RIMS2: variants seen among roughly 807,000 people sequenced by gnomAD.
RIMS2 encodes regulating synaptic membrane exocytosis protein 2.
Under a neutral mutation model 174.4 loss-of-function variants are expected in RIMS2, and 59 were observed. The ratio of observed to expected loss-of-function variants is 0.34; its 90% confidence interval spans 0.27 to 0.42. RIMS2 has a LOEUF of 0.42. Among genes scored for constraint, RIMS2 ranks in the 10% least tolerant of loss-of-function variants. The probability of loss-of-function intolerance (pLI) is 1.00; values close to 1 mark genes in which losing one functional copy is unlikely to be tolerated. For synonymous variants in RIMS2, 606 were observed against 572.5 expected (o/e 1.06, Z -0.84); for missense variants, 1,620 against 1,666.3 (o/e 0.97, Z 0.48).
At chr8:103,605,786 A>G (rs202099934) in intron 1 of RIMS2, among the ~76,000 whole-genome samples, 9 of 151,866 alleles carry the variant, frequency 5.9e-5, no homozygotes, top group Non-Finnish European at 1.3e-4. Context: ...GTTTATTTGC[A>G]TAGAGGTGTT....
intron 8 of RIMS2, among the ~76,000 whole-genome samples, chr8:103,917,802 A>G (rs2076894647): frequency 6.6e-6 from 1 of 152,112 alleles, no homozygotes; most frequent in Admixed American, 6.5e-5. Context: ...ACTTGAAGTC[A>G]GGAGTTCAAA....
At chr8:103,682,138 T>C (rs2096887662) in intron 1 of RIMS2, among the ~76,000 whole-genome samples, 1 of 152,070 alleles carries the variant, frequency 6.6e-6, no homozygotes. Context: ...TGAGGTGGCA[T>C]TGAGAAATTT....
At chr8:103,956,830 G>T (rs1466185223) in intron 14 of RIMS2, among the ~76,000 whole-genome samples, 1 of 152,152 alleles carries the variant, frequency 6.6e-6, no homozygotes, top group African/African-American at 2.4e-5. Context: ...CAGAATGGGA[G>T]AAAACTTTTG....
chr8:103,596,014 A>T (rs796329101), intron 1 of RIMS2, among the ~76,000 whole-genome samples: 23 of 152,064 alleles, frequency 1.5e-4, no homozygotes, highest in African/African-American at 5.1e-4. Context: ...ATTGTAGGGC[A>T]TTTATACCTT....
At chr8:103,740,021 A>G (rs1173179841) in intron 2 of RIMS2, among the ~76,000 whole-genome samples, 2 of 152,174 alleles carry the variant, frequency 1.3e-5, no homozygotes, top group African/African-American at 2.4e-5. Context: ...ACCTTGTCCC[A>G]GGCCCAGAGA....
chr8:103,928,290 C>T (rs923404000), intron 11 of RIMS2, among the ~76,000 whole-genome samples: 5 of 151,406 alleles, frequency 3.3e-5, no homozygotes, highest in African/African-American at 1.2e-4. Flanking sequence ...TCTATATTCT[C>T]TTGCATTTTC....
intron 19 of RIMS2, among the ~76,000 whole-genome samples, chr8:104,027,061 T>C (rs992614016): frequency 6.6e-6 from 1 of 152,144 alleles, no homozygotes; most frequent in Non-Finnish European, 1.5e-5. Flanking sequence ...TTGAGCAGGA[T>C]GGACATTCAG....
At chr8:103,721,357 A>C (rs1431712903) in intron 2 of RIMS2, among the ~76,000 whole-genome samples, 1 of 152,208 alleles carries the variant, frequency 6.6e-6, no homozygotes. Flanking sequence ...GAATGGGCTA[A>C]TACAGGTCTC....
intron 19 of RIMS2, among the ~76,000 whole-genome samples, chr8:104,040,894 A>T (rs954170160): frequency 1.3e-5 from 2 of 151,668 alleles, no homozygotes; most frequent in African/African-American, 4.8e-5. Context: ...TTTGGTGATG[A>T]CTCAATTAAA....
intron 1 of RIMS2, chr8:103,559,391 C>T (rs781348905): frequency 6.1e-5 from 21 of 344,756 alleles, no homozygotes; most frequent in East Asian, 4.0e-4. Context: ...GGCTGCTTCA[C>T]GGTGGAGCAT....
chr8:103,759,684 A>G (rs1382700352), intron 2 of RIMS2, among the ~76,000 whole-genome samples: 1 of 152,182 alleles, frequency 6.6e-6, no homozygotes, highest in Non-Finnish European at 1.5e-5. Context: ...TGTCCCAGAC[A>G]TGACACCTAT....
chr8:104,142,376 G>A (rs928251641), intron 19 of RIMS2, among the ~76,000 whole-genome samples: 2 of 151,918 alleles, frequency 1.3e-5, no homozygotes. Context: ...TGGTCCACCC[G>A]CCTCGGCCTC....
chr8:103,839,151 A>T (rs2098924080), intron 3 of RIMS2, among the ~76,000 whole-genome samples: 1 of 151,978 alleles, frequency 6.6e-6, no homozygotes, highest in Non-Finnish European at 1.5e-5. Flanking sequence ...TTACATATTC[A>T]TTGTGTTATT....
intron 19 of RIMS2, among the ~76,000 whole-genome samples, chr8:104,062,177 G>T (rs1323630984): frequency 2.0e-5 from 3 of 152,000 alleles, no homozygotes; most frequent in Non-Finnish European, 4.4e-5. Flanking sequence ...AGGCTGAGGC[G>T]GGCAGATCAT....
At chr8:104,251,254 A>G (rs2099358207) in intron 23 of RIMS2, 91 bp downstream of exon 29, 2 of 1,118,352 alleles carry the variant, frequency 1.8e-6, no homozygotes, top group Middle Eastern at 2.2e-4. Context: ...GTATTCTTTT[A>G]TGTTCCTCAC....
chr8:103,817,146 G>A (rs1453920156), intron 3 of RIMS2, among the ~76,000 whole-genome samples: 1 of 152,056 alleles, frequency 6.6e-6, no homozygotes, highest in Non-Finnish European at 1.5e-5. Context: ...CATAATCAGA[G>A]GCTTAAAAAT....
At chr8:103,834,332 C>CTTTTT (rs397892077) in intron 3 of RIMS2, among the ~76,000 whole-genome samples, 7 of 119,264 alleles carry the variant, frequency 5.9e-5, no homozygotes, top group East Asian at 5.0e-4. Context: ...TTTTCTTTTT[C>CTTTTT]TTTTTTTTTT....
chr8:103,656,387 A>G (rs1489289299), intron 1 of RIMS2, among the ~76,000 whole-genome samples: 2 of 152,142 alleles, frequency 1.3e-5, no homozygotes, highest in Non-Finnish European at 2.9e-5. Flanking sequence ...ACATAAAGCT[A>G]GAAAAATGCA....
At chr8:104,060,990 C>G (rs1438940989) in intron 19 of RIMS2, among the ~76,000 whole-genome samples, 1 of 152,032 alleles carries the variant, frequency 6.6e-6, no homozygotes, top group Non-Finnish European at 1.5e-5. Flanking sequence ...TTACTTCCAA[C>G]TATGTGGTCA....
Sources: allele counts gnomAD v4.1 joint callset (sites outside exome capture counted in the v4.1 genomes callset), GRCh38; gene constraint gnomAD v4.1.1; transcripts MANE v1.5; gene names NCBI Gene and HGNC (gene_info 2026-07-23, HGNC 2026-07-21).